PDE8B: variants seen among roughly 807,000 people sequenced by gnomAD.
PDE8B encodes high affinity cAMP-specific and IBMX-insensitive 3',5'-cyclic phosphodiesterase 8B.
PDE8B carries 26 observed loss-of-function variants against 101.3 expected under a neutral mutation model. That is an observed-to-expected ratio of 0.26 (90% confidence interval 0.19 to 0.36). The LOEUF is 0.36. Ranked by LOEUF, PDE8B falls within the 10% of genes least tolerant of loss-of-function variation. PDE8B has a pLI of 1.00. For synonymous variants in PDE8B, 424 were observed against 429.3 expected (o/e 0.99, Z 0.15); for missense variants, 810 against 1,163.1 (o/e 0.70, Z 4.42).
At chr5:77,242,196 A>C (rs894020306) in intron 1 of PDE8B, among the ~76,000 whole-genome samples, 1 of 152,212 alleles carries the variant, frequency 6.6e-6, no homozygotes. Context: ...AAGAACTACC[A>C]AACTGGTGGT....
At chr5:77,311,791 A>G (rs767655506) in intron 1 of PDE8B, among the ~76,000 whole-genome samples, 13 of 128,164 alleles carry the variant, frequency 1.0e-4, no homozygotes, top group Non-Finnish European at 1.4e-4. Flanking sequence ...TCCAATGCAT[A>G]TAAATGGATA....
Position 77,331,425 on chromosome 5 carries a change from C to T in PDE8B, c.674C>T (p.Ser225Leu). The change falls in exon 5 of 22, where the codon TCA becomes TTA. Residue 225 changes from serine (S) to leucine (L), a missense_variant. Around this residue, in one of 4 missense-constraint regions of PDE8B, gnomAD observed 251 missense variants for 378.8 expected, o/e 0.66. Transcript: ENST00000264917. The stretch of plus-strand genomic sequence containing the variant: ...AGATCGGATGACCATGAAGAGGCGT[C>T]AGTCCTTCCTCTTCTCCACGCAGGC... The part of the protein sequence containing the change: ...SRVSDDHEEA[S>L]VLPLLHAGFN... 6.2e-7 allele frequency: 1 copy of T among 1,613,824 alleles called. No homozygotes were observed. Among genetic ancestry groups the T allele is most frequent in the Non-Finnish European group, 8.5e-7 (1 of 1,179,784 alleles).
At chr5:77,382,301 A>G (rs953751605) in intron 10 of PDE8B, among the ~76,000 whole-genome samples, 3 of 152,194 alleles carry the variant, frequency 2.0e-5, no homozygotes, top group Admixed American at 6.5e-5. Flanking sequence ...ATATATCAGT[A>G]TGTTTCACCC....
chr5:77,154,736 T>C, the PDE8B span, among the ~76,000 whole-genome samples: 1 of 152,170 alleles, frequency 6.6e-6, no homozygotes, highest in Non-Finnish European at 1.5e-5. Flanking sequence ...CCGGTTTTCC[T>C]GGGACTGAGG....
chr5:77,387,800 G>T (rs1357332446), intron 10 of PDE8B, among the ~76,000 whole-genome samples: 1 of 151,740 alleles, frequency 6.6e-6, no homozygotes, highest in South Asian at 2.1e-4. Context: ...CTCTAATCTT[G>T]TCTTCTAGCT....
At chr5:77,148,018 G>C in the PDE8B span, 1 of 152,172 alleles carries the variant, frequency 6.6e-6, no homozygotes, top group Non-Finnish European at 1.5e-5. Flanking sequence ...CCCAGATGCT[G>C]CTTCATACCA....
At chr5:77,202,424 G>T in the PDE8B span, among the ~76,000 whole-genome samples, 1 of 152,124 alleles carries the variant, frequency 6.6e-6, no homozygotes, top group Non-Finnish European at 1.5e-5. Context: ...ACATGAAGAT[G>T]AAAAGAATGA....
At position 77,211,004 on chromosome 5, in the gene PDE8B, C is replaced by T. The variant is rs765720301; in HGVS notation, c.79C>T (p.Arg27Cys). The T allele has an allele frequency of 3.2e-6, 5 of 1,548,840 alleles. No homozygotes were observed. Among genetic ancestry groups the T allele is most frequent in the Middle Eastern group, 1.7e-4 (1 of 5,826 alleles). ...GGACTCGGACGAGTCCAGCTCGCCCCGCCAGACCACCAGCGTGTCGCAGGG... is the reference window on the plus strand; with the variant it reads ...GGACTCGGACGAGTCCAGCTCGCCCTGCCAGACCACCAGCGTGTCGCAGGG... The part of the protein sequence containing the change: ...CRDSDESSSP[R>C]QTTSVSQGPA... Residue 27 changes from arginine (R) to cysteine (C), a missense_variant, in exon 1 of 22, where the codon CGC becomes TGC. Physicochemically the swap from Arg to Cys is radical, Grantham distance 180 (BLOSUM62 -3). Transcript: ENST00000264917. This position sits in a 1 kb window ranked among gnomAD's most constrained non-coding sequence, Gnocchi z 4.1.
chr5:77,261,644 C>T (rs1371925658), intron 1 of PDE8B, among the ~76,000 whole-genome samples: 1 of 152,216 alleles, frequency 6.6e-6, no homozygotes, highest in Non-Finnish European at 1.5e-5. Flanking sequence ...ATGGCAGCTA[C>T]CTAGATTGCC....
the PDE8B span, among the ~76,000 whole-genome samples, chr5:77,136,588 C>T: frequency 6.6e-6 from 1 of 152,206 alleles, no homozygotes; most frequent in African/African-American, 2.4e-5. Flanking sequence ...TGAAAACTGT[C>T]ACCCTCCTTG....
intron 2 of PDE8B, among the ~76,000 whole-genome samples, chr5:77,316,545 A>G (rs1341097362): frequency 6.6e-6 from 1 of 152,102 alleles, no homozygotes; most frequent in East Asian, 1.9e-4. Context: ...AATTATTTTT[A>G]ATATGCTTGC....
rs1249028431 is a variant in PDE8B at position 77,428,119 on chromosome 5, G to A, written c.*1565G>A. ...CTTGGTCAGGACAGCAGCCAGCTTT[G>A]TATTGTAATGCTATATTATGTAAAT... On this transcript the variant is annotated 3_prime_UTR_variant, in exon 22 of 22. Coordinates refer to ENST00000264917, the MANE Select transcript of PDE8B (RefSeq NM_003719.5). 6.6e-6 allele frequency: 1 copy of A among 152,180 alleles called. No homozygotes were observed. Among genetic ancestry groups the A allele is most frequent in the Non-Finnish European group, 1.5e-5 (1 of 68,034 alleles). The allele number at this position is 152,180 out of a possible 1,614,324, so 9.4% of individuals were successfully genotyped here. A position where few individuals can be genotyped will look rare whatever the true frequency, so the allele number is the denominator to read the frequency against.
At chr5:77,288,119 G>A (rs1371140438) in intron 1 of PDE8B, among the ~76,000 whole-genome samples, 1 of 152,216 alleles carries the variant, frequency 6.6e-6, no homozygotes, top group Non-Finnish European at 1.5e-5. Flanking sequence ...CTCAGTGACT[G>A]AGATGAGTCA....
At chr5:77,367,839 A>C (rs552117956) in intron 10 of PDE8B, among the ~76,000 whole-genome samples, 2 of 152,148 alleles carry the variant, frequency 1.3e-5, no homozygotes, top group East Asian at 3.9e-4. Context: ...GGGAAGTTCT[A>C]CCGTTTTCTA....
chr5:77,351,993 A>G (rs1781221941), intron 9 of PDE8B, among the ~76,000 whole-genome samples: 1 of 152,216 alleles, frequency 6.6e-6, no homozygotes, highest in Non-Finnish European at 1.5e-5. Context: ...AGGTATTTGT[A>G]ATAGCTTGTT....
intron 1 of PDE8B, chr5:77,290,792 G>C: frequency 1.3e-6 from 2 of 1,485,210 alleles, no homozygotes; most frequent in Non-Finnish European, 1.9e-6. Flanking sequence ...TGTATGGTTG[G>C]AACAACGCCA....
chr5:77,096,343 TC>T, the PDE8B span, among the ~76,000 whole-genome samples: 1 of 152,130 alleles, frequency 6.6e-6, no homozygotes, highest in Non-Finnish European at 1.5e-5. Flanking sequence ...TCCTTACCAT[TC>T]CCTAGCTTCT....
chr5:77,297,638 A>G (rs549858523), intron 1 of PDE8B, among the ~76,000 whole-genome samples: 1 of 152,140 alleles, frequency 6.6e-6, no homozygotes, highest in South Asian at 2.1e-4. Context: ...GCCAACTACA[A>G]TCCAGCTATG....
the PDE8B span, among the ~76,000 whole-genome samples, chr5:77,182,584 G>C: frequency 2.0e-5 from 3 of 152,082 alleles, no homozygotes; most frequent in African/African-American, 7.2e-5. Flanking sequence ...AGCTCATGGA[G>C]GCCGCTTACA....
Sources: allele counts gnomAD v4.1 joint callset (sites outside exome capture counted in the v4.1 genomes callset), GRCh38; gene constraint gnomAD v4.1.1; regional missense constraint gnomAD v4.1.1; non-coding constraint Gnocchi (gnomAD v3.1); transcripts MANE v1.5; gene names NCBI Gene and HGNC (gene_info 2026-07-23, HGNC 2026-07-21).